Variants in MPDZ observed in about 807,000 individuals in gnomAD.
The protein encoded by MPDZ is multiple PDZ domain crumbs cell polarity complex component.
MPDZ carries 234 observed loss-of-function variants against 239.1 expected under a neutral mutation model. The observed-to-expected ratio is 0.98, with a 90% CI of 0.88 to 1.09. The LOEUF is 1.09. Among genes scored for constraint, MPDZ ranks in the 50% least tolerant of loss-of-function variants. The pLI, the probability that MPDZ is intolerant of heterozygous loss-of-function variation, is 0.00. For missense variants in MPDZ, 3,175 were observed against 2,510.0 expected (o/e 1.26, Z -5.66); for synonymous variants, 1,048 against 881.3 (o/e 1.19, Z -3.35).
At chr9:13,248,664 G>T (rs1296654471) in intron 2 of MPDZ, among the ~76,000 whole-genome samples, 1 of 151,670 alleles carries the variant, frequency 6.6e-6, no homozygotes, top group African/African-American at 2.4e-5. Context: ...CCATATCCCA[G>T]TAATGTTAAA....
In MPDZ at chr9:13,182,626, G is replaced by T. The variant is rs575267465; in HGVS notation, c.2649+792C>A. ...ACAAAATGGCCAAAAGATATGAAGAGATCTTTGATGAAAAGTGAAAAACAA... is the reference window on the plus strand; with the variant it reads ...ACAAAATGGCCAAAAGATATGAAGATATCTTTGATGAAAAGTGAAAAACAA... On this transcript the variant is annotated intron_variant, in intron 19 of 46. Coordinates refer to ENST00000319217, the MANE Select transcript of MPDZ (RefSeq NM_001378778.1). 2.0e-4 allele frequency among the ~76,000 whole-genome samples: 31 copies of T among 151,882 alleles called. No individual in the cohort carries two copies. In the South Asian group the frequency reaches 6.2e-3, roughly 31 times the overall value.
chr9:13,235,079 A>G (rs950197043), intron 3 of MPDZ, among the ~76,000 whole-genome samples: 26 of 152,268 alleles, frequency 1.7e-4, no homozygotes, highest in African/African-American at 6.0e-4. Context: ...TAAATCTTTC[A>G]GTGAAATACT....
chr9:13,253,325 C>A (rs1968603725), intron 1 of MPDZ, among the ~76,000 whole-genome samples: 1 of 151,500 alleles, frequency 6.6e-6, no homozygotes, highest in Non-Finnish European at 1.5e-5. Flanking sequence ...CTTGGATGTC[C>A]CTAAAATAAA....
At chr9:13,238,443 T>C (rs1964619977) in intron 3 of MPDZ, among the ~76,000 whole-genome samples, 1 of 152,162 alleles carries the variant, frequency 6.6e-6, no homozygotes, top group African/African-American at 2.4e-5. Flanking sequence ...AGCCCGCCTA[T>C]AAAATATGCT....
intron 13 of MPDZ, among the ~76,000 whole-genome samples, chr9:13,195,005 T>C (rs1024565358): frequency 5.3e-5 from 8 of 152,118 alleles, no homozygotes; most frequent in Non-Finnish European, 1.0e-4. Flanking sequence ...AAAAAGATTA[T>C]AGCAAGGTGC....
intron 27 of MPDZ, among the ~76,000 whole-genome samples, chr9:13,143,041 A>G (rs1947940532): frequency 6.6e-6 from 1 of 152,130 alleles, no homozygotes; most frequent in Non-Finnish European, 1.5e-5. Context: ...ATACACAATT[A>G]TTTGTGCAGT....
chr9:13,259,489 C>A (rs1970183775), intron 1 of MPDZ, among the ~76,000 whole-genome samples: 1 of 152,128 alleles, frequency 6.6e-6, no homozygotes, highest in African/African-American at 2.4e-5. Context: ...ATGATACAAC[C>A]TGGGAACTCA....
chr9:13,226,392 G>C (rs1960625072), intron 3 of MPDZ, among the ~76,000 whole-genome samples: 1 of 152,108 alleles, frequency 6.6e-6, no homozygotes, highest in East Asian at 1.9e-4. Context: ...CTACTTATCA[G>C]AAAGCTTACT....
At chr9:13,207,118 G>A (rs1033149954) in intron 10 of MPDZ, among the ~76,000 whole-genome samples, 3 of 152,056 alleles carry the variant, frequency 2.0e-5, no homozygotes, top group African/African-American at 7.2e-5. Context: ...TGTATCACAA[G>A]GTCATATTTA....
rs182336801 is a variant in MPDZ at position 13,267,715 on chromosome 9, G to A, written c.-58+11685C>T. On this transcript the variant is annotated intron_variant, in intron 1 of 46. Transcript: ENST00000319217. Reference sequence around the variant, plus strand: ...AGACACAAGTAACAGGGGAGGAAAGGAAGAAGAAATAATTGAGGAAGCTGA... The same window carrying A: ...AGACACAAGTAACAGGGGAGGAAAGAAAGAAGAAATAATTGAGGAAGCTGA... Among the ~76,000 whole-genome samples the A allele has an allele frequency of 3.3e-5, 5 of 152,300 alleles. No individual in the cohort carries two copies. The East Asian group carries it at 9.7e-4, about 29-fold the overall frequency.
intron 24 of MPDZ, among the ~76,000 whole-genome samples, chr9:13,156,672 C>CTA (rs1949859292): frequency 6.6e-6 from 1 of 152,174 alleles, no homozygotes; most frequent in African/African-American, 2.4e-5. Flanking sequence ...CAGAGCCAAA[C>CTA]TATATCACCT....
chr9:13,142,534 G>C (rs1308623027), intron 27 of MPDZ, among the ~76,000 whole-genome samples: 2 of 152,036 alleles, frequency 1.3e-5, no homozygotes, highest in Non-Finnish European at 2.9e-5. Flanking sequence ...GTATACTTGA[G>C]ATCACTCCAT....
At chr9:13,201,607 T>G (rs1956398218) in intron 12 of MPDZ, among the ~76,000 whole-genome samples, 1 of 152,012 alleles carries the variant, frequency 6.6e-6, no homozygotes, top group Non-Finnish European at 1.5e-5. Flanking sequence ...TCCTTCACTC[T>G]TTTAAATTCT....
intron 1 of MPDZ, among the ~76,000 whole-genome samples, chr9:13,262,666 G>GA (rs1970963088): frequency 1.3e-5 from 2 of 150,524 alleles, no homozygotes; most frequent in Non-Finnish European, 3.0e-5. Flanking sequence ...TTAGGAATGA[G>GA]AAAAAAAGGA....
chr9:13,169,097 C>G (rs1423627066), intron 21 of MPDZ, among the ~76,000 whole-genome samples: 1 of 152,146 alleles, frequency 6.6e-6, no homozygotes, highest in Non-Finnish European at 1.5e-5. Context: ...TTCCTAACAT[C>G]AAGAAGCCTG....
rs778086476 is a variant in MPDZ, at chr9:13,247,790, C to T, written c.28G>A (p.Ala10Thr). 23 of 1,604,296 alleles carry T rather than the reference C, an allele frequency of 1.4e-5. No homozygotes were observed. In the East Asian group the frequency reaches 4.5e-4, roughly 31 times the overall value. Residue 10 changes from alanine to threonine, a missense_variant, in exon 3 of 47, where the codon GCC becomes ACC. Transcript: ENST00000319217. MLEAIDKNR[A>T]LHAAERLQTK... The stretch of plus-strand genomic sequence containing the variant: ...TGCAAGCGCTCTGCTGCATGCAGGG[C>T]CCGATTTTTGTCTATACCAAAGAGC...
intron 25 of MPDZ, among the ~76,000 whole-genome samples, chr9:13,149,689 G>C (rs1948896245): frequency 6.6e-6 from 1 of 152,028 alleles, no homozygotes; most frequent in South Asian, 2.1e-4. Flanking sequence ...GCTGTTCCAG[G>C]AATATTTGTT....
At chr9:13,258,016 C>T (rs1435885151) in intron 1 of MPDZ, among the ~76,000 whole-genome samples, 3 of 152,150 alleles carry the variant, frequency 2.0e-5, no homozygotes, top group Non-Finnish European at 2.9e-5. Flanking sequence ...CTGCCTAATC[C>T]TTAATAAATC....
intron 1 of MPDZ, chr9:13,274,391 C>T (rs1399729424): frequency 6.6e-6 from 1 of 151,280 alleles, no homozygotes; most frequent in African/African-American, 2.4e-5. Context: ...AAGAAAATAA[C>T]AATGAATGTT....
Sources: gnomAD v4.1 joint callset for allele counts (sites outside exome capture counted in the v4.1 genomes callset) on GRCh38, gnomAD v4.1.1 for gene constraint, MANE v1.5 for transcripts, NCBI Gene and HGNC (gene_info 2026-07-23, HGNC 2026-07-21) for gene names.